The following CPSF7 variants were observed in gnomAD, a reference collection of about 807,000 sequenced individuals.
CPSF7 encodes cleavage and polyadenylation specificity factor subunit 7.
A neutral mutation model predicts 44.3 loss-of-function variants in CPSF7; 1 was observed. The observed-to-expected ratio is 0.02, with a 90% CI of 0.01 to 0.11. The LOEUF (loss-of-function observed/expected upper bound fraction) is 0.11, where lower values mean the gene tolerates loss of function less well. Ranked by LOEUF, CPSF7 falls within the 10% of genes least tolerant of loss-of-function variation. CPSF7 has a pLI of 1.00. For synonymous variants in CPSF7, 202 were observed against 222.0 expected, an observed-to-expected ratio of 0.91 and a Z score of 0.80; for missense variants, 443 against 607.2, an observed-to-expected ratio of 0.73 and a Z score of 2.84.
chr11:61,424,348 C>T (rs1482052379), intron 2 of CPSF7, among the ~76,000 whole-genome samples: 1 of 152,208 alleles, frequency 6.6e-6, no homozygotes. Flanking sequence ...ATTCATGTAC[C>T]AGGTATGGTG....
At chr11:61,426,013 T>C (rs1015466295) in intron 2 of CPSF7, among the ~76,000 whole-genome samples, 2 of 152,242 alleles carry the variant, frequency 1.3e-5, no homozygotes, top group Non-Finnish European at 2.9e-5. Context: ...CTCAGTCACC[T>C]TTCCAGAGTT....
chr11:61,412,771 AATGTT>A (rs1377991372), intron 7 of CPSF7, among the ~76,000 whole-genome samples: 10 of 152,378 alleles, frequency 6.6e-5, no homozygotes, highest in East Asian at 1.9e-4. Context: ...AGGATCAATA[AATGTT>A]ATGTTATATG....
intron 7 of CPSF7, among the ~76,000 whole-genome samples, chr11:61,415,063 C>G (rs538904735): frequency 2.0e-5 from 3 of 152,008 alleles, no homozygotes; most frequent in Non-Finnish European, 4.4e-5. Flanking sequence ...ATGATGAAAC[C>G]CTGTCTCTAC....
intron 8 of CPSF7, among the ~76,000 whole-genome samples, chr11:61,411,548 T>C (rs1859849178): frequency 6.6e-6 from 1 of 152,204 alleles, no homozygotes; most frequent in South Asian, 2.1e-4. Context: ...TCTGTATTTT[T>C]TCCTACATGA....
chr11:61,408,593 C>A (rs567532283), intron 9 of CPSF7, among the ~76,000 whole-genome samples: 1 of 152,174 alleles, frequency 6.6e-6, no homozygotes, highest in Non-Finnish European at 1.5e-5. Context: ...GAAGCAGAGA[C>A]AACACCTGCT....
Position 61,429,256 on chromosome 11 carries a change from G to C in CPSF7, c.-21C>G, listed in dbSNP as rs755091694. On this transcript the variant is annotated 5_prime_UTR_variant, in exon 2 of 10. Coordinates refer to ENST00000439958, the MANE Select transcript of CPSF7 (RefSeq NM_001142565.3). ...GACATGGCTCCGGAAGGAAGATCGC[G>C]AGTCCGGAGGATGGACAAAGTAAGG... 62 of 1,613,198 alleles carry C rather than the reference G, an allele frequency of 3.8e-5. No individual in the cohort carries two copies. In the Admixed American group the frequency reaches 8.2e-4, roughly 21 times the overall value.
rs1250411207 is a variant in CPSF7 at position 61,429,722 on chromosome 11, C to A, written c.-56+192G>T. Reference sequence around the variant, plus strand: ...CCCCAACCCAGGCCTACTCTTCGCCCCCAGCTAGGCCCGCCCCGCTCCCTC... The same window carrying A: ...CCCCAACCCAGGCCTACTCTTCGCCACCAGCTAGGCCCGCCCCGCTCCCTC... On this transcript the variant is annotated intron_variant, in intron 1 of 9. Transcript: ENST00000439958. The A allele has an allele frequency of 2.0e-5, 31 of 1,539,622 alleles. No homozygotes were observed. The East Asian group carries it at 7.3e-4, about 36-fold the overall frequency.
At chr11:61,415,605 C>A (rs761856642) in intron 7 of CPSF7, 61 bp downstream of exon 7, 1 of 1,130,802 alleles carries the variant, frequency 8.8e-7, no homozygotes, top group Non-Finnish European at 1.3e-6. Context: ...GTAGAAATGA[C>A]AAAATCAGGA....
chr11:61,428,201 A>T (rs972388517), intron 2 of CPSF7, among the ~76,000 whole-genome samples: 2 of 152,234 alleles, frequency 1.3e-5, no homozygotes, highest in South Asian at 4.1e-4. Flanking sequence ...TGTTTTTAAG[A>T]GTCAGGGTCT....
intron 9 of CPSF7, among the ~76,000 whole-genome samples, chr11:61,406,397 G>A (rs1859322931): frequency 6.6e-6 from 1 of 152,224 alleles, no homozygotes; most frequent in Non-Finnish European, 1.5e-5. Flanking sequence ...TGCTATAAAT[G>A]AGGACCATGT....
chr11:61,415,614 G>T, intron 7 of CPSF7, 52 bp downstream of exon 7: 1 of 1,210,534 alleles, frequency 8.3e-7, no homozygotes, highest in South Asian at 1.2e-5. Flanking sequence ...ACAAAATCAG[G>T]AAAAAAAAGT....
intron 2 of CPSF7, among the ~76,000 whole-genome samples, chr11:61,425,510 T>G (rs1161647106): frequency 6.6e-6 from 1 of 152,214 alleles, no homozygotes; most frequent in Admixed American, 6.5e-5. Flanking sequence ...CTCATGAAAC[T>G]TCCTGCTTCC....
intron 5 of CPSF7, among the ~76,000 whole-genome samples, chr11:61,418,719 TTTTTC>T (rs1245859978): frequency 6.7e-6 from 1 of 149,372 alleles, no homozygotes. Context: ...GTAACTTTCT[TTTTTC>T]TTTTTTTTTT....
In CPSF7 at chr11:61,421,553, G is replaced by A; in HGVS notation, c.110C>T (p.Ala37Val). Residue 37 changes from alanine to valine, a missense_variant, in exon 3 of 10, where the codon GCC becomes GTC. Coordinates refer to ENST00000439958, the MANE Select transcript of CPSF7 (RefSeq NM_001142565.3). ...QIDLYDDVLT[A>V]TSQPSDDRSS... ...TCTGTCATCTGAGGGCTGTGAGGTG[G>A]CTGTCAGCACATCATCATACAGGTC... 6.2e-7 allele frequency: 1 copy of A among 1,614,082 alleles called. No homozygotes were observed. Among genetic ancestry groups the A allele is most frequent in the Non-Finnish European group, 8.5e-7 (1 of 1,180,032 alleles).
At position 61,403,931 on chromosome 11, in the gene CPSF7, G is replaced by A. The variant is rs943638892; in HGVS notation, c.*779C>T. 4 of 152,624 alleles carry A rather than the reference G, an allele frequency of 2.6e-5. No individual in the cohort carries two copies. The highest frequency in any genetic ancestry group is 6.5e-5 in the Admixed American group (1 of 15,280). 9.5% of individuals were successfully genotyped at this position (152,624 alleles called of 1,614,324 possible). On this transcript the variant is annotated 3_prime_UTR_variant, in exon 10 of 10. Coordinates refer to ENST00000439958, the MANE Select transcript of CPSF7 (RefSeq NM_001142565.3). Reference sequence around the variant, plus strand: ...CAACTAAGAGCTGGTTATTGCAAGAGGTACCCAAGCACTAAGCAGCAGAGG... The same window carrying A: ...CAACTAAGAGCTGGTTATTGCAAGAAGTACCCAAGCACTAAGCAGCAGAGG...
intron 8 of CPSF7, 60 bp from the exon 9 acceptor site, chr11:61,411,165 G>C: frequency 6.7e-7 from 1 of 1,490,866 alleles, no homozygotes; most frequent in Non-Finnish European, 9.0e-7. Flanking sequence ...CCAAGAATGT[G>C]GTGTTTTGGT....
At chr11:61,420,956 A>G in intron 3 of CPSF7, 1 of 704,576 alleles carries the variant, frequency 1.4e-6, no homozygotes, top group South Asian at 1.4e-5. Context: ...CACCCCCACC[A>G]CCAGCCCCAA....
At chr11:61,427,262 T>C (rs1010968908) in intron 2 of CPSF7, 32 of 151,660 alleles carry the variant, frequency 2.1e-4, no homozygotes, top group African/African-American at 7.7e-4. Context: ...AAAGTCTGAT[T>C]CAAATGAATA....
At chr11:61,428,423 T>C (rs1341392959) in intron 2 of CPSF7, among the ~76,000 whole-genome samples, 2 of 152,118 alleles carry the variant, frequency 1.3e-5, no homozygotes, top group African/African-American at 2.4e-5. Flanking sequence ...TGGTCTTAAG[T>C]AATCTTCCCA....
Sources: allele counts gnomAD v4.1 joint callset (sites outside exome capture counted in the v4.1 genomes callset), GRCh38; gene constraint gnomAD v4.1.1; transcripts MANE v1.5; gene names NCBI Gene and HGNC (gene_info 2026-07-23, HGNC 2026-07-21).